The following RIC1 variants were observed in gnomAD, a reference collection of about 807,000 sequenced individuals.
The protein encoded by RIC1 is RIC1 partner of RAB6A GEF complex.
In RIC1, 88 loss-of-function variants were observed where a neutral mutation model predicts 169.0. The observed-to-expected ratio is 0.52, with a 90% CI of 0.44 to 0.62. The LOEUF (loss-of-function observed/expected upper bound fraction) is 0.62, where lower values mean the gene tolerates loss of function less well. Among genes scored for constraint, RIC1 ranks in the 20% least tolerant of loss-of-function variants. The pLI is 0.00. For synonymous variants in RIC1, 790 were observed against 601.5 expected (o/e 1.31, Z -4.59); for missense variants, 1,877 against 1,725.5 (o/e 1.09, Z -1.56).
At chr9:5,687,099 A>G (rs529390026) in intron 2 of RIC1, among the ~76,000 whole-genome samples, 6 of 152,170 alleles carry the variant, frequency 3.9e-5, no homozygotes, top group Non-Finnish European at 7.3e-5. Flanking sequence ...GAATTTGTCC[A>G]TCTCATCCAA....
chr9:5,688,008 TTTTTCA>T (rs775160648), intron 2 of RIC1, among the ~76,000 whole-genome samples: 3 of 152,212 alleles, frequency 2.0e-5, no homozygotes, highest in Non-Finnish European at 4.4e-5. Flanking sequence ...AGCCAATGTC[TTTTTCA>T]TCTCAGATAT....
At chr9:5,641,517 C>T (rs1038074498) in intron 1 of RIC1, among the ~76,000 whole-genome samples, 23 of 152,044 alleles carry the variant, frequency 1.5e-4, no homozygotes, top group African/African-American at 3.1e-4. Flanking sequence ...CTTTCTACTC[C>T]GGTCTCTTTC....
At chr9:5,709,204 T>A (rs2130808423) in intron 3 of RIC1, among the ~76,000 whole-genome samples, 1 of 152,296 alleles carries the variant, frequency 6.6e-6, no homozygotes, top group African/African-American at 2.4e-5. Context: ...CCACACCTAA[T>A]TTTAAGAAGG....
At position 5,763,315 on chromosome 9, in the gene RIC1, T is replaced by C; in HGVS notation, c.2288T>C (p.Phe763Ser). The change falls in exon 19 of 26, where the codon TTC becomes TCC. Residue 763 changes from phenylalanine (F) to serine (S), a missense_variant. Around this residue, in one of 3 missense-constraint regions of RIC1, gnomAD observed 1,104 missense variants for 992.0 expected, o/e 1.11. Coordinates refer to ENST00000414202, the MANE Select transcript of RIC1 (RefSeq NM_020829.4). This position sits in a 1 kb window ranked among gnomAD's most constrained non-coding sequence, Gnocchi z 5.2. Reference sequence around the variant, plus strand: ...AGGGATCACCGCAAGCCCCATTCCTTCTTGTCCCAGCGGATCATGCTGCCT... The same window carrying C: ...AGGGATCACCGCAAGCCCCATTCCTCCTTGTCCCAGCGGATCATGCTGCCT... ...FPRDHRKPHS[F>S]LSQRIMLPFH... is the part of the protein sequence containing the mutation. 6.2e-7 allele frequency: 1 copy of C among 1,614,156 alleles called. No homozygotes were observed. Among genetic ancestry groups the C allele is most frequent in the Non-Finnish European group, 8.5e-7 (1 of 1,180,014 alleles).
At chr9:5,676,006 T>A (rs1212108258) in intron 2 of RIC1, among the ~76,000 whole-genome samples, 1 of 152,206 alleles carries the variant, frequency 6.6e-6, no homozygotes, top group Non-Finnish European at 1.5e-5. Context: ...CCTTGGTCAT[T>A]CCTGGGCCTA....
At chr9:5,720,563 G>C (rs762637767) in intron 5 of RIC1, 51 bp from the exon 6 acceptor site, 25 of 1,507,658 alleles carry the variant, frequency 1.7e-5, no homozygotes, top group Non-Finnish European at 2.0e-5. Flanking sequence ...AAGTGAGAGA[G>C]TAATTTATTA....
intron 6 of RIC1, among the ~76,000 whole-genome samples, chr9:5,722,009 C>G (rs1266232341): frequency 6.6e-6 from 1 of 151,944 alleles, no homozygotes; most frequent in African/African-American, 2.4e-5. Context: ...CTGCTTCAGC[C>G]TCCCGAGTTG....
At chr9:5,704,916 ATGT>A (rs1822474822) in intron 3 of RIC1, among the ~76,000 whole-genome samples, 2 of 152,288 alleles carry the variant, frequency 1.3e-5, no homozygotes, top group Admixed American at 1.3e-4. Context: ...AGTACAGAGA[ATGT>A]TGTTTCCCCT....
intron 2 of RIC1, among the ~76,000 whole-genome samples, chr9:5,672,116 C>G (rs142702651): frequency 6.6e-6 from 1 of 152,298 alleles, no homozygotes; most frequent in Non-Finnish European, 1.5e-5. Context: ...CTGCTGAAGC[C>G]TCAGCTCAGC....
chr9:5,681,662 C>G (rs111848168), intron 2 of RIC1, among the ~76,000 whole-genome samples: 9 of 152,152 alleles, frequency 5.9e-5, no homozygotes, highest in Admixed American at 2.6e-4. Context: ...ATTAGGTCTG[C>G]TTGGTGCAGT....
intron 1 of RIC1, among the ~76,000 whole-genome samples, chr9:5,649,071 G>T (rs563669462): frequency 6.6e-6 from 1 of 152,158 alleles, no homozygotes; most frequent in South Asian, 2.1e-4. Flanking sequence ...GGAGGTAAAG[G>T]CTGCAATGAG....
chr9:5,660,009 C>A (rs1272412552), intron 2 of RIC1, among the ~76,000 whole-genome samples: 1 of 152,116 alleles, frequency 6.6e-6, no homozygotes, highest in Non-Finnish European at 1.5e-5. Context: ...GCGCCCTGCC[C>A]CTCCATCCTC....
chr9:5,754,018 G>C (rs962919198), intron 14 of RIC1, among the ~76,000 whole-genome samples: 6 of 152,044 alleles, frequency 3.9e-5, no homozygotes, highest in African/African-American at 1.5e-4. Flanking sequence ...GGGATAGTGA[G>C]TGTGCGTGTG....
intron 1 of RIC1, among the ~76,000 whole-genome samples, chr9:5,644,050 A>G (rs1818382649): frequency 6.7e-6 from 1 of 149,716 alleles, no homozygotes; most frequent in Admixed American, 6.8e-5. Context: ...ATTGTAGATA[A>G]TACTGTAGAA....
chr9:5,756,494 TA>T, intron 16 of RIC1, 122 bp downstream of exon 16: 2 of 563,342 alleles, frequency 3.6e-6, no homozygotes, highest in Non-Finnish European at 5.5e-6. Flanking sequence ...TTGTTAGAGG[TA>T]AAAAAAGCAA....
chr9:5,679,807 C>T (rs1820702914), intron 2 of RIC1, among the ~76,000 whole-genome samples: 1 of 152,184 alleles, frequency 6.6e-6, no homozygotes, highest in Non-Finnish European at 1.5e-5. Flanking sequence ...TTGACTTCCT[C>T]TTTTCCTAAT....
intron 6 of RIC1, among the ~76,000 whole-genome samples, chr9:5,730,095 A>G (rs992472417): frequency 2.0e-5 from 3 of 152,194 alleles, no homozygotes; most frequent in African/African-American, 7.2e-5. Flanking sequence ...GATAGAAAAT[A>G]CAAATTACAA....
At chr9:5,702,245 G>A (rs779884743) in intron 3 of RIC1, among the ~76,000 whole-genome samples, 1 of 152,220 alleles carries the variant, frequency 6.6e-6, no homozygotes, top group Non-Finnish European at 1.5e-5. Context: ...GGAATTCTTT[G>A]TAAAGAGAGT....
chr9:5,758,722 C>CTTTTTTTTTTTTTTTTTTTTTTTTTT (rs754931692), intron 17 of RIC1, among the ~76,000 whole-genome samples: 5 of 98,428 alleles, frequency 5.1e-5, no homozygotes, highest in African/African-American at 8.0e-5. Context: ...GGTCTCCCTT[C>CTTTTTTTTTTTTTTTTTTTTTTTTTT]TTTTTTTTTT....
Sources: gnomAD v4.1 joint callset for allele counts (sites outside exome capture counted in the v4.1 genomes callset) on GRCh38, gnomAD v4.1.1 for gene constraint, gnomAD v4.1.1 regional missense constraint, Gnocchi (gnomAD v3.1) non-coding constraint, MANE v1.5 for transcripts, NCBI Gene and HGNC (gene_info 2026-07-23, HGNC 2026-07-21) for gene names.